The following TSPAN18 variants were observed in gnomAD, a reference collection of about 807,000 sequenced individuals.
TSPAN18 encodes the protein tetraspanin 18.
TSPAN18 carries 14 observed loss-of-function variants against 27.3 expected under a neutral mutation model. The observed-to-expected ratio is 0.51, with a 90% CI of 0.34 to 0.80. The LOEUF (loss-of-function observed/expected upper bound fraction) is 0.80, where lower values mean the gene tolerates loss of function less well. Among genes scored for constraint, TSPAN18 ranks in the 30% least tolerant of loss-of-function variants. The pLI, the probability that TSPAN18 is intolerant of heterozygous loss-of-function variation, is 0.01. For missense variants in TSPAN18, 268 were observed against 323.9 expected (o/e 0.83, Z 1.32); for synonymous variants, 143 against 136.5 (o/e 1.05, Z -0.33).
chr11:44,929,248 C>T lies in TSPAN18; in HGVS notation c.*70C>T, dbSNP rs574130249. On this transcript the variant is annotated 3_prime_UTR_variant, in exon 10 of 10. Transcript: ENST00000520358. ...CCAGCACCCAGTGTCCTCCCGTGCCCCTCCCCGCTGTCCTCTTGGCCCCAG... is the reference window on the plus strand; with the variant it reads ...CCAGCACCCAGTGTCCTCCCGTGCCTCTCCCCGCTGTCCTCTTGGCCCCAG... The T allele has an allele frequency of 1.1e-5, 18 of 1,593,900 alleles. 1 individual carries two copies. In the South Asian group the frequency reaches 1.5e-4, roughly 14 times the overall value.
intron 3 of TSPAN18, chr11:44,903,817 A>T (rs570737094): frequency 4.2e-5 from 19 of 456,386 alleles, no homozygotes; most frequent in South Asian, 2.8e-4. Context: ...CCTGGGTTCC[A>T]ATCTTGGCTT....
chr11:44,795,973 TGA>T (rs1274353253), intron 2 of TSPAN18, among the ~76,000 whole-genome samples: 1 of 152,002 alleles, frequency 6.6e-6, no homozygotes, highest in Non-Finnish European at 1.5e-5. Context: ...ACCTCAGGGG[TGA>T]GCCATGGCTG....
Position 44,903,058 on chromosome 11 carries a change from ACTC to A in TSPAN18, c.-10-3348_-10-3346del, listed in dbSNP as rs1223616922. On this transcript the variant is annotated intron_variant, in intron 3 of 9. Transcript: ENST00000520358. Reference sequence around the variant, plus strand: ...TGTGTCCCAGGAGGGCACAGCCACGACTCTGCTCCTCTGGGATTCACCAGGAAC... The same window carrying A: ...TGTGTCCCAGGAGGGCACAGCCACGATGCTCCTCTGGGATTCACCAGGAAC... 7.7e-4 allele frequency among the ~76,000 whole-genome samples: 117 copies of A among 152,178 alleles called. 5 individuals carry two copies. In the South Asian group the frequency reaches 0.024, roughly 31 times the overall value.
At chr11:44,786,871 A>T (rs1401460709) in intron 2 of TSPAN18, among the ~76,000 whole-genome samples, 2 of 151,950 alleles carry the variant, frequency 1.3e-5, no homozygotes, top group Non-Finnish European at 2.9e-5. Context: ...ACCTCAAGTG[A>T]TCTGCCCACC....
intron 2 of TSPAN18, among the ~76,000 whole-genome samples, chr11:44,828,325 T>G (rs1015441334): frequency 1.3e-5 from 2 of 152,084 alleles, no homozygotes; most frequent in Non-Finnish European, 2.9e-5. Context: ...GGTTTTTTAA[T>G]TAAACAACAA....
chr11:44,844,901 C>A (rs1008835837), intron 2 of TSPAN18, among the ~76,000 whole-genome samples: 3 of 152,204 alleles, frequency 2.0e-5, no homozygotes, highest in Non-Finnish European at 4.4e-5. Flanking sequence ...TGGTGCTCAT[C>A]ACCACTCATT....
At chr11:44,914,511 T>C (rs996596860) in intron 5 of TSPAN18, among the ~76,000 whole-genome samples, 2 of 152,154 alleles carry the variant, frequency 1.3e-5, no homozygotes, top group African/African-American at 2.4e-5. Flanking sequence ...AAGCACTCTA[T>C]AAATGGGAAA....
intron 3 of TSPAN18, among the ~76,000 whole-genome samples, chr11:44,895,395 A>G (rs542516584): frequency 1.3e-5 from 2 of 152,190 alleles, no homozygotes; most frequent in African/African-American, 4.8e-5. Flanking sequence ...AGGAGAACCT[A>G]GCACCTTGGA....
intron 3 of TSPAN18, among the ~76,000 whole-genome samples, chr11:44,904,088 C>A (rs950209811): frequency 6.6e-6 from 1 of 152,186 alleles, no homozygotes; most frequent in African/African-American, 2.4e-5. Flanking sequence ...ACCCTTGGGG[C>A]ACTGTTGGAA....
intron 1 of TSPAN18, among the ~76,000 whole-genome samples, chr11:44,727,510 C>G (rs1384086814): frequency 6.6e-6 from 1 of 152,170 alleles, no homozygotes; most frequent in Non-Finnish European, 1.5e-5. Flanking sequence ...GCCCGGAGTC[C>G]GCTGAGGGCC....
chr11:44,766,028 G>A (rs752858480), intron 2 of TSPAN18, among the ~76,000 whole-genome samples: 2 of 152,190 alleles, frequency 1.3e-5, no homozygotes, highest in Non-Finnish European at 1.5e-5. Context: ...TGGGTTGCTG[G>A]TAGGTGGTTG....
At chr11:44,742,238 C>T (rs1308287445) in intron 1 of TSPAN18, among the ~76,000 whole-genome samples, 1 of 150,002 alleles carries the variant, frequency 6.7e-6, no homozygotes, top group East Asian at 1.9e-4. Flanking sequence ...TTCTTGTAGC[C>T]TGCCTCACCC....
Position 44,906,480 on chromosome 11 carries a change from G to T in TSPAN18, c.63+1G>T. 2 of 1,613,934 alleles carry T rather than the reference G, an allele frequency of 1.2e-6. No homozygotes were observed. The highest frequency in any genetic ancestry group is 1.1e-5 in the South Asian group (1 of 91,086). ...GTTTGTATTCAATTTCTTCATATTTGTAAGTATTCCTGGGTCTTCCCAGGC... is the reference window on the plus strand; with the variant it reads ...GTTTGTATTCAATTTCTTCATATTTTTAAGTATTCCTGGGTCTTCCCAGGC... On this transcript the variant is annotated splice_donor_variant, in intron 4 of 9. Coordinates refer to ENST00000520358, the MANE Select transcript of TSPAN18 (RefSeq NM_130783.5). LOFTEE classifies it high-confidence loss of function.
chr11:44,809,199 A>G (rs1246205018), intron 2 of TSPAN18, among the ~76,000 whole-genome samples: 3 of 152,148 alleles, frequency 2.0e-5, no homozygotes, highest in East Asian at 3.8e-4. Context: ...ACACTGTGCC[A>G]TTCTGAGTTC....
chr11:44,737,980 C>T (rs2134812638), intron 1 of TSPAN18, among the ~76,000 whole-genome samples: 1 of 152,226 alleles, frequency 6.6e-6, no homozygotes, highest in East Asian at 1.9e-4. Flanking sequence ...ACAGTCCTCT[C>T]CTTAGTGGTG....
chr11:44,911,061 C>T (rs184763224), intron 5 of TSPAN18, among the ~76,000 whole-genome samples: 2 of 152,324 alleles, frequency 1.3e-5, no homozygotes, highest in East Asian at 1.9e-4. Flanking sequence ...CTTTCCTGTG[C>T]TGGGTGGATG....
Position 44,908,831 on chromosome 11 carries a change from A to AGAG in TSPAN18, c.64-874_64-873insGAG, listed in dbSNP as rs1590671451. ...AGAAAGAAAGAAAGAAAGAAAGAAA[A>AGAG]AGAAAAATGGAGCAGATATTTATTG... On this transcript the variant is annotated intron_variant, in intron 4 of 9. Transcript: ENST00000520358. Among the ~76,000 whole-genome samples, 839 of 96,220 alleles carry AGAG rather than the reference A, an allele frequency of 8.7e-3. 158 individuals are homozygous for AGAG. The highest frequency in any genetic ancestry group is 0.034 in the African/African-American group (806 of 23,792). The allele number at this position is 96,220 out of a possible 152,430, so 63.1% of individuals were successfully genotyped here.
intron 3 of TSPAN18, among the ~76,000 whole-genome samples, chr11:44,900,930 G>A (rs1859241368): frequency 6.6e-6 from 1 of 151,924 alleles, no homozygotes; most frequent in African/African-American, 2.4e-5. Flanking sequence ...CCTGACCTCA[G>A]GTGATCTGCC....
At chr11:44,858,286 C>T (rs1414586846) in intron 2 of TSPAN18, among the ~76,000 whole-genome samples, 2 of 152,212 alleles carry the variant, frequency 1.3e-5, no homozygotes, top group Non-Finnish European at 2.9e-5. Context: ...CAGCACCCTG[C>T]TACCATCTCC....
Sources: gnomAD v4.1 joint callset for allele counts (sites outside exome capture counted in the v4.1 genomes callset) on GRCh38, gnomAD v4.1.1 for gene constraint, MANE v1.5 for transcripts, NCBI Gene and HGNC (gene_info 2026-07-23, HGNC 2026-07-21) for gene names.